C1orf87: variants seen among roughly 807,000 people sequenced by gnomAD.
C1orf87 encodes the protein chromosome 1 open reading frame 87.
A neutral mutation model predicts 60.5 loss-of-function variants in C1orf87; 58 were observed. The observed-to-expected ratio is 0.96, with a 90% CI of 0.78 to 1.19. C1orf87 has a LOEUF of 1.19. Among genes scored for constraint, C1orf87 ranks in the 50% most tolerant of loss-of-function variants. The pLI is 0.00. For synonymous variants in C1orf87, 236 were observed against 227.4 expected, an observed-to-expected ratio of 1.04 and a Z score of -0.34; for missense variants, 673 against 638.6, an observed-to-expected ratio of 1.05 and a Z score of -0.58.
At chr1:60,047,070 A>C (rs900536350) in intron 3 of C1orf87, among the ~76,000 whole-genome samples, 2 of 152,118 alleles carry the variant, frequency 1.3e-5, no homozygotes, top group Non-Finnish European at 2.9e-5. Flanking sequence ...TTTCGTTTTC[A>C]TTAGGGCTTT....
chr1:60,011,825 A>G lies in C1orf87; in HGVS notation c.1128-1369T>C, dbSNP rs150123258. On this transcript the variant is annotated intron_variant, in intron 8 of 11. Coordinates refer to ENST00000371201, the MANE Select transcript of C1orf87 (RefSeq NM_152377.3). ...ATATGACATAACATTTAGAGAAATT[A>G]TTTGGTCAGGGTAAGTATCACAATA... Among the ~76,000 whole-genome samples, 324 of 152,208 alleles carry G rather than the reference A, an allele frequency of 2.1e-3. 1 individual carries two copies. The highest frequency in any genetic ancestry group is 7.6e-3 in the African/African-American group (315 of 41,556).
At chr1:60,017,593 T>G (rs1321402040) in intron 8 of C1orf87, among the ~76,000 whole-genome samples, 1 of 152,242 alleles carries the variant, frequency 6.6e-6, no homozygotes, top group African/African-American at 2.4e-5. Flanking sequence ...AGTATTAGTT[T>G]GCCTCCTGTT....
intron 2 of C1orf87, among the ~76,000 whole-genome samples, chr1:60,067,135 C>T (rs1222804235): frequency 1.3e-5 from 2 of 152,174 alleles, no homozygotes; most frequent in Non-Finnish European, 2.9e-5. Flanking sequence ...CTGCAATAAA[C>T]ATACGTGTGC....
chr1:60,032,243 A>T (rs535094756), intron 7 of C1orf87, among the ~76,000 whole-genome samples: 1 of 151,816 alleles, frequency 6.6e-6, no homozygotes, highest in African/African-American at 2.4e-5. Context: ...ATAATTTCCA[A>T]TTCTTTCTAA....
At chr1:60,032,655 G>T (rs1645247514) in intron 7 of C1orf87, among the ~76,000 whole-genome samples, 9 of 151,932 alleles carry the variant, frequency 5.9e-5, no homozygotes, top group Admixed American at 5.2e-4. Flanking sequence ...TGGCCAGGCT[G>T]GTCTTGAACT....
At chr1:60,057,054 C>G (rs1645462234) in intron 2 of C1orf87, among the ~76,000 whole-genome samples, 1 of 152,034 alleles carries the variant, frequency 6.6e-6, no homozygotes, top group African/African-American at 2.4e-5. Flanking sequence ...GGAAAAAACT[C>G]TGATGGATAC....
intron 3 of C1orf87, among the ~76,000 whole-genome samples, chr1:60,052,916 CG>C: frequency 6.6e-6 from 1 of 152,304 alleles, no homozygotes; most frequent in South Asian, 2.1e-4. Context: ...ACCAATTAGT[CG>C]GTCCCCACAC....
chr1:60,042,439 G>A lies in C1orf87; in HGVS notation c.343-1308C>T, dbSNP rs1190705723. 2.0e-5 allele frequency among the ~76,000 whole-genome samples: 3 copies of A among 152,156 alleles called. No homozygotes were observed. In the East Asian group the frequency reaches 5.8e-4, roughly 29 times the overall value. ...TTCTCTATAAACTACTAAATTGACAGTCATGTTGAATAACCTATCAGTATG... is the reference window on the plus strand; with the variant it reads ...TTCTCTATAAACTACTAAATTGACAATCATGTTGAATAACCTATCAGTATG... On this transcript the variant is annotated intron_variant, in intron 3 of 11. Transcript: ENST00000371201.
rs539486136 is a variant in C1orf87, at chr1:60,006,094, T to C, written c.1192+4298A>G. Among the ~76,000 whole-genome samples the C allele has an allele frequency of 4.6e-4, 70 of 152,156 alleles. 1 individual carries two copies. The South Asian group carries it at 0.011, about 23-fold the overall frequency. The stretch of plus-strand genomic sequence containing the variant: ...TTAGATAGTAAAGTTCTCTCCTTCT[T>C]AGGAGAACACCTATCCAAAGAGTGA... On this transcript the variant is annotated intron_variant, in intron 9 of 11. Transcript: ENST00000371201.
At chr1:59,994,278 A>G (rs1488774619) in intron 11 of C1orf87, among the ~76,000 whole-genome samples, 6 of 150,952 alleles carry the variant, frequency 4.0e-5, no homozygotes, top group Non-Finnish European at 8.8e-5. Flanking sequence ...ATTAAAAAAA[A>G]AAATCAAGCA....
chr1:60,036,515 C>T (rs552251027), intron 6 of C1orf87, among the ~76,000 whole-genome samples: 1 of 152,176 alleles, frequency 6.6e-6, no homozygotes, highest in South Asian at 2.1e-4. Context: ...TTACTATGTA[C>T]CAGGCACTGA....
At chr1:60,034,916 A>ATATTATTT (rs760084065) in intron 6 of C1orf87, among the ~76,000 whole-genome samples, 81 of 150,996 alleles carry the variant, frequency 5.4e-4, no homozygotes, top group Non-Finnish European at 1.0e-3. Context: ...TCCAAAGGTG[A>ATATTATTT]TATTATTTCC....
chr1:60,071,181 G>A (rs1334855664), intron 2 of C1orf87, among the ~76,000 whole-genome samples: 1 of 152,062 alleles, frequency 6.6e-6, no homozygotes, highest in African/African-American at 2.4e-5. Flanking sequence ...AAAGAGGTTC[G>A]ATTTTTTGTT....
intron 6 of C1orf87, among the ~76,000 whole-genome samples, chr1:60,036,711 T>C (rs2100291136): frequency 6.6e-6 from 1 of 152,350 alleles, no homozygotes; most frequent in East Asian, 1.9e-4. Flanking sequence ...GCTATGCTCC[T>C]AACCACTGCA....
intron 7 of C1orf87, among the ~76,000 whole-genome samples, chr1:60,031,310 T>G (rs866518589): frequency 3.0e-4 from 45 of 152,236 alleles, no homozygotes; most frequent in African/African-American, 1.1e-3. Context: ...AACTGTATTA[T>G]GCTCTGAGTG....
chr1:60,025,058 T>G (rs1645189512), intron 8 of C1orf87, among the ~76,000 whole-genome samples: 1 of 152,152 alleles, frequency 6.6e-6, no homozygotes, highest in African/African-American at 2.4e-5. Context: ...GAATAAAAAA[T>G]TCAGGCTGCT....
At chr1:60,049,933 C>A (rs1000977318) in intron 3 of C1orf87, among the ~76,000 whole-genome samples, 1 of 151,982 alleles carries the variant, frequency 6.6e-6, no homozygotes. Context: ...GGGTTTATTT[C>A]TGAATTTTTC....
At chr1:60,065,073 T>C (rs1238248416) in intron 2 of C1orf87, among the ~76,000 whole-genome samples, 1 of 112,558 alleles carries the variant, frequency 8.9e-6, no homozygotes, top group Non-Finnish European at 1.8e-5. Flanking sequence ...TATTTATATA[T>C]ATCTTATTTG....
chr1:59,999,245 T>G (rs1388065800), intron 10 of C1orf87, among the ~76,000 whole-genome samples: 1 of 152,170 alleles, frequency 6.6e-6, no homozygotes, highest in African/African-American at 2.4e-5. Context: ...TATGAAATTG[T>G]ACCCACATGG....
Sources: gnomAD v4.1 joint callset for allele counts (sites outside exome capture counted in the v4.1 genomes callset) on GRCh38, gnomAD v4.1.1 for gene constraint, MANE v1.5 for transcripts, NCBI Gene and HGNC (gene_info 2026-07-23, HGNC 2026-07-21) for gene names.